The following HORMAD2 variants were observed in gnomAD, a reference collection of about 807,000 sequenced individuals.
HORMAD2 encodes HORMA domain-containing protein 2.
In HORMAD2, 45 loss-of-function variants were observed where a neutral mutation model predicts 38.8. The observed-to-expected ratio is 1.16, with a 90% CI of 0.91 to 1.49. The LOEUF is 1.49. Ranked by LOEUF, HORMAD2 falls within the 40% of genes most tolerant of loss-of-function variation. The pLI is 0.00. For missense variants in HORMAD2, 338 were observed against 367.0 expected (o/e 0.92, Z 0.65); for synonymous variants, 126 against 122.8 (o/e 1.03, Z -0.17).
chr22:30,097,273 C>T (rs556624164), intron 2 of HORMAD2, among the ~76,000 whole-genome samples: 47 of 152,308 alleles, frequency 3.1e-4, no homozygotes, highest in African/African-American at 1.1e-3. Context: ...AGCAAATATT[C>T]TACTCTTGGT....
chr22:30,089,655 C>CT lies in HORMAD2; in HGVS notation c.-37-4255dup, dbSNP rs533128467. 1.2e-4 allele frequency among the ~76,000 whole-genome samples: 19 copies of CT among 152,166 alleles called. No homozygotes were observed. The South Asian group carries it at 3.5e-3, about 28-fold the overall frequency. ...CATGAGCCACCATGCCCGGCTGCTT[C>CT]TTTTTTATATCAACAAAACAATAAG... On this transcript the variant is annotated intron_variant, in intron 1 of 10. Coordinates refer to ENST00000336726, the MANE Select transcript of HORMAD2 (RefSeq NM_152510.4).
At chr22:30,090,301 T>C (rs1158674530) in intron 1 of HORMAD2, among the ~76,000 whole-genome samples, 2 of 152,144 alleles carry the variant, frequency 1.3e-5, no homozygotes, top group Non-Finnish European at 2.9e-5. Flanking sequence ...AGCGGGAGGT[T>C]GCAGTGAGCC....
At chr22:30,175,332 T>TATATAATATAATAAATATATATAAAA (rs1926391498) in intron 10 of HORMAD2, among the ~76,000 whole-genome samples, 1 of 43,770 alleles carries the variant, frequency 2.3e-5, no homozygotes. Context: ...TATATATATA[T>TATATAATATAATAAATATATATAAAA]ATCTTATTCC....
chr22:30,206,945 G>T, the HORMAD2 span: 1 of 401,766 alleles, frequency 2.5e-6, no homozygotes, highest in Non-Finnish European at 5.3e-6. Flanking sequence ...CCCATATCCC[G>T]GCAATTCCCC....
At chr22:30,114,333 T>C (rs1391013270) in intron 7 of HORMAD2, among the ~76,000 whole-genome samples, 1 of 152,218 alleles carries the variant, frequency 6.6e-6, no homozygotes, top group Non-Finnish European at 1.5e-5. Flanking sequence ...TATTGGGTAA[T>C]ACTAAAACAC....
downstream of HORMAD2, among the ~76,000 whole-genome samples, chr22:30,179,697 G>A (rs1439857124): frequency 6.6e-6 from 1 of 152,152 alleles, no homozygotes; most frequent in Non-Finnish European, 1.5e-5. Flanking sequence ...CACTGGCTAT[G>A]TGTAAACTAT....
At chr22:30,121,015 T>G (rs534831764) in intron 8 of HORMAD2, among the ~76,000 whole-genome samples, 90 of 152,314 alleles carry the variant, frequency 5.9e-4, no homozygotes, top group South Asian at 2.5e-3. Flanking sequence ...GAATTCTAAG[T>G]AAGAAGGTGA....
intron 10 of HORMAD2, among the ~76,000 whole-genome samples, chr22:30,166,988 A>G (rs1056940916): frequency 5.9e-5 from 9 of 152,346 alleles, no homozygotes; most frequent in Middle Eastern, 3.4e-3. Context: ...GGCTAAAACA[A>G]CAAAAATGTA....
the HORMAD2 span, among the ~76,000 whole-genome samples, chr22:30,201,559 A>G: frequency 4.0e-5 from 6 of 151,876 alleles, no homozygotes; most frequent in Non-Finnish European, 5.9e-5. Flanking sequence ...CTGGGACTAC[A>G]GGCGCCCACC....
At chr22:30,196,119 A>G in the HORMAD2 span, among the ~76,000 whole-genome samples, 1 of 152,232 alleles carries the variant, frequency 6.6e-6, no homozygotes, top group Non-Finnish European at 1.5e-5. Context: ...CCCTCACGTA[A>G]TCCCCTCAAT....
chr22:30,196,516 G>T, the HORMAD2 span, among the ~76,000 whole-genome samples: 4 of 152,202 alleles, frequency 2.6e-5, no homozygotes, highest in Non-Finnish European at 4.4e-5. Context: ...TTTGACAAAG[G>T]AAGTACTCAG....
At chr22:30,173,367 T>G (rs1926238686) in intron 10 of HORMAD2, among the ~76,000 whole-genome samples, 2 of 152,082 alleles carry the variant, frequency 1.3e-5, no homozygotes, top group Non-Finnish European at 1.5e-5. Flanking sequence ...TTGGGAGAGA[T>G]GATGTTTGCC....
chr22:30,116,973 T>C (rs1424725046), intron 7 of HORMAD2, among the ~76,000 whole-genome samples: 4 of 152,262 alleles, frequency 2.6e-5, no homozygotes, highest in Non-Finnish European at 5.9e-5. Flanking sequence ...CCTGTTGCTA[T>C]AGGCTCCTCT....
chr22:30,206,397 A>G, the HORMAD2 span, among the ~76,000 whole-genome samples: 7 of 151,998 alleles, frequency 4.6e-5, no homozygotes, highest in African/African-American at 1.7e-4. Context: ...TGACCTCGTG[A>G]TCCACCTGCC....
At position 30,149,760 on chromosome 22, in the gene HORMAD2, G is replaced by A. The variant is rs1255080224; in HGVS notation, c.820-26303G>A. Reference sequence around the variant, plus strand: ...TAGAGAGGACTGCATGGGAGATAAGGTTTTGAAATATTTCATGCCCTAAAA... The same window carrying A: ...TAGAGAGGACTGCATGGGAGATAAGATTTTGAAATATTTCATGCCCTAAAA... On this transcript the variant is annotated intron_variant, in intron 10 of 10. Coordinates refer to ENST00000336726, the MANE Select transcript of HORMAD2 (RefSeq NM_152510.4). Among the ~76,000 whole-genome samples the A allele has an allele frequency of 1.3e-5, 2 of 152,126 alleles. 1 individual carries two copies. The highest frequency in any genetic ancestry group is 2.9e-5 in the Non-Finnish European group (2 of 68,020).
chr22:30,160,365 A>AC (rs2146214139), intron 10 of HORMAD2, among the ~76,000 whole-genome samples: 1 of 152,212 alleles, frequency 6.6e-6, no homozygotes, highest in South Asian at 2.1e-4. Context: ...TCCGTAAAAG[A>AC]CCAAGAGTGG....
chr22:30,202,342 G>T, the HORMAD2 span, among the ~76,000 whole-genome samples: 1 of 151,960 alleles, frequency 6.6e-6, no homozygotes, highest in East Asian at 1.9e-4. Context: ...CCTTTGAGAG[G>T]CAATATGTAA....
chr22:30,149,039 T>C (rs1924591185), intron 10 of HORMAD2, among the ~76,000 whole-genome samples: 1 of 152,156 alleles, frequency 6.6e-6, no homozygotes, highest in African/African-American at 2.4e-5. Flanking sequence ...TTTTGCTATG[T>C]GAAGGAAAAA....
intron 10 of HORMAD2, among the ~76,000 whole-genome samples, chr22:30,157,447 C>CTT (rs879659063): frequency 6.2e-5 from 9 of 144,756 alleles, no homozygotes; most frequent in Admixed American, 4.9e-4. Flanking sequence ...ATCCCCCTCC[C>CTT]TTTTTTTTTT....
Sources: gnomAD v4.1 joint callset for allele counts (sites outside exome capture counted in the v4.1 genomes callset) on GRCh38, gnomAD v4.1.1 for gene constraint, MANE v1.5 for transcripts, NCBI Gene and HGNC (gene_info 2026-07-23, HGNC 2026-07-21) for gene names.